The following SLC24A3 variants were observed in gnomAD, a reference collection of about 807,000 sequenced individuals.
SLC24A3 encodes solute carrier family 24 member 3, also known as sodium/potassium/calcium exchanger 3.
In SLC24A3, 28 loss-of-function variants were observed where a neutral mutation model predicts 75.8. That is an observed-to-expected ratio of 0.37 (90% CI 0.27 to 0.51). The LOEUF is 0.51. Ranked by LOEUF, SLC24A3 falls within the 20% of genes least tolerant of loss-of-function variation. The pLI is 0.94. For missense variants in SLC24A3, 663 were observed against 847.8 expected (o/e 0.78, Z 2.71); for synonymous variants, 372 against 334.1 (o/e 1.11, Z -1.24).
intron 2 of SLC24A3, among the ~76,000 whole-genome samples, chr20:19,474,811 A>C (rs1006605169): frequency 2.6e-5 from 4 of 152,122 alleles, no homozygotes; most frequent in Non-Finnish European, 5.9e-5. Flanking sequence ...TCTACAACAG[A>C]TCTTTAGAAC....
chr20:19,239,311 G>A (rs1297585325), intron 1 of SLC24A3, among the ~76,000 whole-genome samples: 1 of 152,128 alleles, frequency 6.6e-6, no homozygotes, highest in South Asian at 2.1e-4. Context: ...CAGGTGATGC[G>A]TTTTCTAAAT....
intron 6 of SLC24A3, among the ~76,000 whole-genome samples, chr20:19,619,695 G>A (rs6081684): frequency 0.88 from 133,306 of 152,212 alleles, 58,780 homozygotes; most frequent in African/African-American, 0.97. Context: ...TGGTGCATTG[G>A]GTTGTAGATC....
At chr20:19,699,594 C>T (rs2032849007) in intron 15 of SLC24A3, among the ~76,000 whole-genome samples, 1 of 152,184 alleles carries the variant, frequency 6.6e-6, no homozygotes, top group African/African-American at 2.4e-5. Context: ...TATGACCATC[C>T]TCTAATTCAG....
intron 6 of SLC24A3, among the ~76,000 whole-genome samples, chr20:19,622,704 G>A (rs1015725159): frequency 2.0e-5 from 3 of 152,200 alleles, no homozygotes; most frequent in Non-Finnish European, 2.9e-5. Flanking sequence ...GTTCAGTTGT[G>A]TATTAGCCCA....
chr20:19,312,243 T>G, intron 2 of SLC24A3, among the ~76,000 whole-genome samples: 1 of 152,120 alleles, frequency 6.6e-6, no homozygotes. Context: ...GGCTTCATTC[T>G]TGCATGTAGG....
intron 2 of SLC24A3, among the ~76,000 whole-genome samples, chr20:19,513,669 T>A (rs557612152): frequency 6.6e-6 from 1 of 151,640 alleles, no homozygotes; most frequent in South Asian, 2.1e-4. Flanking sequence ...CTTTTTTATG[T>A]TTAAAGGACC....
intron 2 of SLC24A3, among the ~76,000 whole-genome samples, chr20:19,381,215 A>G (rs1302778992): frequency 6.6e-6 from 1 of 152,218 alleles, no homozygotes; most frequent in South Asian, 2.1e-4. Context: ...CCACAATACT[A>G]TGCATTGTTA....
intron 1 of SLC24A3, among the ~76,000 whole-genome samples, chr20:19,223,714 C>G (rs1318021011): frequency 6.6e-6 from 1 of 152,220 alleles, no homozygotes; most frequent in African/African-American, 2.4e-5. Flanking sequence ...TGTGCTCACC[C>G]TTCTGGTGAT....
At chr20:19,491,651 C>T (rs1988210821) in intron 2 of SLC24A3, among the ~76,000 whole-genome samples, 1 of 152,208 alleles carries the variant, frequency 6.6e-6, no homozygotes, top group South Asian at 2.1e-4. Context: ...TGCCCCTCCT[C>T]TGTTCCCAAT....
At chr20:19,662,142 T>C (rs908144171) in intron 7 of SLC24A3, among the ~76,000 whole-genome samples, 2 of 152,204 alleles carry the variant, frequency 1.3e-5, no homozygotes, top group African/African-American at 4.8e-5. Flanking sequence ...CCTGACCAGC[T>C]GGTGCTCAGC....
chr20:19,580,339 G>A (rs1306091680), intron 4 of SLC24A3, among the ~76,000 whole-genome samples: 1 of 152,030 alleles, frequency 6.6e-6, no homozygotes. Flanking sequence ...CCTAACTAAT[G>A]GTACTATTTG....
intron 2 of SLC24A3, among the ~76,000 whole-genome samples, chr20:19,310,201 G>A (rs1984426155): frequency 6.6e-6 from 1 of 152,080 alleles, no homozygotes; most frequent in Admixed American, 6.6e-5. Flanking sequence ...CTTCTAACAT[G>A]TTTCTGCCAC....
chr20:19,708,300 A>G (rs2032950950), intron 15 of SLC24A3, among the ~76,000 whole-genome samples: 1 of 152,158 alleles, frequency 6.6e-6, no homozygotes, highest in Non-Finnish European at 1.5e-5. Flanking sequence ...CCCTGAGGGC[A>G]GAAACTGTAT....
At chr20:19,499,841 A>G (rs1364992697) in intron 2 of SLC24A3, among the ~76,000 whole-genome samples, 4 of 152,202 alleles carry the variant, frequency 2.6e-5, no homozygotes, top group African/African-American at 2.4e-5. Flanking sequence ...ACATACATGT[A>G]CACACATGGA....
At chr20:19,437,318 A>T (rs1406925392) in intron 2 of SLC24A3, among the ~76,000 whole-genome samples, 2 of 152,038 alleles carry the variant, frequency 1.3e-5, no homozygotes, top group Non-Finnish European at 2.9e-5. Flanking sequence ...GTCTCACAAG[A>T]TCTGATGGTT....
At chr20:19,599,103 A>G (rs1052362871) in intron 6 of SLC24A3, among the ~76,000 whole-genome samples, 1 of 152,116 alleles carries the variant, frequency 6.6e-6, no homozygotes, top group Non-Finnish European at 1.5e-5. Flanking sequence ...CATTGTACAT[A>G]TGAGAAAATA....
intron 1 of SLC24A3, among the ~76,000 whole-genome samples, chr20:19,232,506 T>G (rs1442744566): frequency 1.3e-5 from 2 of 152,240 alleles, no homozygotes; most frequent in Admixed American, 1.3e-4. Context: ...GTCATACTTA[T>G]TTATTGTTGG....
chr20:19,448,214 C>G (rs963546087), intron 2 of SLC24A3, among the ~76,000 whole-genome samples: 1 of 152,220 alleles, frequency 6.6e-6, no homozygotes, highest in Non-Finnish European at 1.5e-5. Context: ...GAGCCAGACA[C>G]AGTGCTGGAC....
chr20:19,335,074 C>G (rs140975927), intron 2 of SLC24A3, among the ~76,000 whole-genome samples: 1 of 152,130 alleles, frequency 6.6e-6, no homozygotes, highest in Non-Finnish European at 1.5e-5. Flanking sequence ...TGAAATAGGA[C>G]TGGAATATGA....
Sources: allele counts gnomAD v4.1 joint callset (sites outside exome capture counted in the v4.1 genomes callset), GRCh38; gene constraint gnomAD v4.1.1; transcripts MANE v1.5; gene names NCBI Gene and HGNC (gene_info 2026-07-23, HGNC 2026-07-21).